The following MAK variants were observed in gnomAD, a reference collection of about 807,000 sequenced individuals.
MAK encodes serine/threonine-protein kinase MAK.
MAK carries 65 observed loss-of-function variants against 82.6 expected under a neutral mutation model. That is an observed-to-expected ratio of 0.79 (90% CI 0.64 to 0.97). The LOEUF is 0.97. MAK is among the 50% of genes least tolerant of loss of function. The pLI, the probability that MAK is intolerant of heterozygous loss-of-function variation, is 0.00. For synonymous variants in MAK, 250 were observed against 274.2 expected (o/e 0.91, Z 0.87); for missense variants, 703 against 780.2 (o/e 0.90, Z 1.18).
chr6:10,808,054 C>T (rs536554012), intron 6 of MAK, among the ~76,000 whole-genome samples: 28 of 151,634 alleles, frequency 1.8e-4, no homozygotes, highest in African/African-American at 6.1e-4. Flanking sequence ...GGCGAGAGAG[C>T]GAAACTCCAT....
At chr6:10,821,099 C>G (rs961924965) in intron 2 of MAK, among the ~76,000 whole-genome samples, 1 of 152,024 alleles carries the variant, frequency 6.6e-6, no homozygotes, top group Non-Finnish European at 1.5e-5. Context: ...TAGGTACATG[C>G]CACCACGCCC....
intron 2 of MAK, among the ~76,000 whole-genome samples, chr6:10,827,425 C>T (rs1778463612): frequency 6.6e-6 from 1 of 152,084 alleles, no homozygotes; most frequent in Admixed American, 6.5e-5. Flanking sequence ...GCTATTTCAG[C>T]TCATTTTGTC....
At chr6:10,780,383 GTTTCCTACT>G in intron 11 of MAK, 1 of 188,852 alleles carries the variant, frequency 5.3e-6, no homozygotes. Context: ...TTGCAGTAGT[GTTTCCTACT>G]ACTCACTTCT....
chr6:10,834,774 A>T (rs1779045370), intron 1 of MAK, among the ~76,000 whole-genome samples: 1 of 151,930 alleles, frequency 6.6e-6, no homozygotes. Context: ...TGCTCCTCTC[A>T]TGAAAATTAT....
intron 3 of MAK, among the ~76,000 whole-genome samples, chr6:10,818,624 A>G (rs1186833952): frequency 6.6e-6 from 1 of 152,090 alleles, no homozygotes; most frequent in African/African-American, 2.4e-5. Flanking sequence ...AAAAAAAAAA[A>G]AAAAAAAGTT....
At chr6:10,808,327 C>G (rs1359884760) in intron 6 of MAK, among the ~76,000 whole-genome samples, 1 of 152,174 alleles carries the variant, frequency 6.6e-6, no homozygotes. Flanking sequence ...CTCATTGTTG[C>G]AAAGCATTCC....
At chr6:10,804,088 G>T (rs1288221493) in intron 6 of MAK, among the ~76,000 whole-genome samples, 197 bp from the exon 7 acceptor site, 1 of 152,136 alleles carries the variant, frequency 6.6e-6, no homozygotes. Context: ...CACAGACAAT[G>T]AGTGGGGCTG....
At chr6:10,794,758 CAAG>C (rs1284210766) in intron 9 of MAK, among the ~76,000 whole-genome samples, 1 of 152,090 alleles carries the variant, frequency 6.6e-6, no homozygotes, top group Admixed American at 6.6e-5. Context: ...TTTGGGAGGC[CAAG>C]GAGGGTGGAT....
At chr6:10,834,384 G>A (rs1325745927) in intron 1 of MAK, among the ~76,000 whole-genome samples, 1 of 152,186 alleles carries the variant, frequency 6.6e-6, no homozygotes, top group African/African-American at 2.4e-5. Flanking sequence ...CAATCCAATA[G>A]TTGCATTTGG....
rs548794026 is a variant in MAK at position 10,790,236 on chromosome 6, G to A, written c.1316+1439C>T. Among the ~76,000 whole-genome samples, 6 of 152,124 alleles carry A rather than the reference G, an allele frequency of 3.9e-5. No homozygotes were observed. The East Asian group carries it at 5.8e-4, about 15-fold the overall frequency. The stretch of plus-strand genomic sequence containing the variant: ...CTATGGAATGTGAAGACCTGGAAAC[G>A]GATTGCATAAGAGTTATCCAAGCAA... On this transcript the variant is annotated intron_variant, in intron 10 of 14. Coordinates refer to ENST00000354489, the MANE Select transcript of MAK (RefSeq NM_001242957.3).
At chr6:10,802,432 AGTAGCTGGGAC>A in intron 7 of MAK, 3 of 211,678 alleles carry the variant, frequency 1.4e-5, no homozygotes, top group South Asian at 1.4e-4. Flanking sequence ...CAGACTCCTG[AGTAGCTGGGAC>A]TACAGGTGCG....
intron 10 of MAK, among the ~76,000 whole-genome samples, chr6:10,789,275 C>T (rs915521110): frequency 3.9e-5 from 6 of 152,064 alleles, no homozygotes; most frequent in South Asian, 4.1e-4. Flanking sequence ...GATAAGTTTT[C>T]CTGACTCATA....
chr6:10,803,425 A>AT (rs1225566218), intron 7 of MAK, among the ~76,000 whole-genome samples: 1 of 151,868 alleles, frequency 6.6e-6, no homozygotes, highest in Non-Finnish European at 1.5e-5. Flanking sequence ...CACACCTGTA[A>AT]TCCCAGCTAC....
At chr6:10,815,657 C>T (rs968483830) in intron 4 of MAK, among the ~76,000 whole-genome samples, 3 of 151,996 alleles carry the variant, frequency 2.0e-5, no homozygotes, top group African/African-American at 4.8e-5. Context: ...CACATGGTCT[C>T]GCTATGTTGC....
intron 9 of MAK, among the ~76,000 whole-genome samples, chr6:10,795,689 A>G (rs1273733697): frequency 6.6e-6 from 1 of 152,194 alleles, no homozygotes; most frequent in East Asian, 1.9e-4. Context: ...GATTGCAGTG[A>G]GCTAAGGTCG....
intron 13 of MAK, among the ~76,000 whole-genome samples, chr6:10,771,601 G>A (rs1293888304): frequency 1.3e-5 from 2 of 152,220 alleles, no homozygotes; most frequent in Admixed American, 6.5e-5. Flanking sequence ...TCTCTATAGC[G>A]TTATCTGTTT....
intron 8 of MAK, among the ~76,000 whole-genome samples, chr6:10,796,680 C>T (rs1775591897): frequency 6.6e-6 from 1 of 151,938 alleles, no homozygotes; most frequent in African/African-American, 2.4e-5. Flanking sequence ...TTGGTGGATG[C>T]CTGTAACCCC....
At chr6:10,805,238 T>C (rs755263613) in intron 6 of MAK, among the ~76,000 whole-genome samples, 3 of 152,242 alleles carry the variant, frequency 2.0e-5, no homozygotes, top group Non-Finnish European at 4.4e-5. Flanking sequence ...GTTTCTCAAA[T>C]GTATGTATAG....
chr6:10,776,719 T>A lies in MAK; in HGVS notation c.1466-1260A>T, dbSNP rs546446964. On this transcript the variant is annotated intron_variant, in intron 11 of 14. Transcript: ENST00000354489. This position sits in a 1 kb window ranked among gnomAD's most constrained non-coding sequence, Gnocchi z 4.3. ...ATTATCAGTTCTCTAAGGAAACACT[T>A]CATCAGGCAAGTAATTTCCCTTTCT... is the stretch of plus-strand genomic sequence containing the variant. Among the ~76,000 whole-genome samples the A allele has an allele frequency of 1.9e-4, 29 of 152,332 alleles. No individual in the cohort carries two copies. Among genetic ancestry groups the A allele is most frequent in the African/African-American group, 6.7e-4 (28 of 41,576 alleles).
Sources: gnomAD v4.1 joint callset for allele counts (sites outside exome capture counted in the v4.1 genomes callset) on GRCh38, gnomAD v4.1.1 for gene constraint, Gnocchi (gnomAD v3.1) non-coding constraint, MANE v1.5 for transcripts, NCBI Gene and HGNC (gene_info 2026-07-23, HGNC 2026-07-21) for gene names.